FYN: variants seen among roughly 807,000 people sequenced by gnomAD.
FYN encodes FYN proto-oncogene, Src family tyrosine kinase.
In FYN, 10 loss-of-function variants were observed where a neutral mutation model predicts 70.2. That is an observed-to-expected ratio of 0.14 (90% CI 0.09 to 0.24). FYN has a LOEUF of 0.24. Among genes scored for constraint, FYN ranks in the 10% least tolerant of loss-of-function variants. The pLI is 1.00. For missense variants in FYN, 319 were observed against 673.1 expected (o/e 0.47, Z 5.82); for synonymous variants, 236 against 248.6 (o/e 0.95, Z 0.48).
chr6:111,844,734 G>A (rs925220112), intron 2 of FYN: 6 of 152,204 alleles, frequency 3.9e-5, no homozygotes, highest in African/African-American at 1.4e-4. Context: ...TCTTTTGTTA[G>A]ACACTCATTG....
intron 1 of FYN, among the ~76,000 whole-genome samples, chr6:111,853,801 T>G (rs1773750383): frequency 6.6e-6 from 1 of 152,162 alleles, no homozygotes; most frequent in Non-Finnish European, 1.5e-5. Flanking sequence ...AAATTTTTTG[T>G]ACAGATGGAG....
At chr6:111,721,244 G>A (rs914964831) in intron 3 of FYN, among the ~76,000 whole-genome samples, 3 of 152,090 alleles carry the variant, frequency 2.0e-5, no homozygotes, top group Non-Finnish European at 4.4e-5. Flanking sequence ...CACCCTTGGC[G>A]CCATATTAAA....
intron 2 of FYN, among the ~76,000 whole-genome samples, chr6:111,799,056 A>G (rs1254508449): frequency 2.6e-5 from 4 of 152,224 alleles, no homozygotes; most frequent in Non-Finnish European, 4.4e-5. Flanking sequence ...TTCCAAGGAC[A>G]AATCTAGGTG....
chr6:111,805,460 C>T (rs1772118139), intron 2 of FYN, among the ~76,000 whole-genome samples: 1 of 152,198 alleles, frequency 6.6e-6, no homozygotes, highest in Non-Finnish European at 1.5e-5. Flanking sequence ...TCTGGCAACT[C>T]TACACATGTG....
chr6:111,672,239 G>A (rs1037216230), intron 13 of FYN, among the ~76,000 whole-genome samples: 1 of 152,016 alleles, frequency 6.6e-6, no homozygotes, highest in Admixed American at 6.5e-5. Context: ...CCGCCTTCTG[G>A]GCTTGAGGAA....
At chr6:111,676,077 C>T (rs1798519788) in intron 12 of FYN, among the ~76,000 whole-genome samples, 1 of 152,112 alleles carries the variant, frequency 6.6e-6, no homozygotes, top group Non-Finnish European at 1.5e-5. Flanking sequence ...TATAAAAAGT[C>T]ACTATGTACA....
At chr6:111,747,887 T>C (rs778967252) in intron 3 of FYN, among the ~76,000 whole-genome samples, 1 of 152,252 alleles carries the variant, frequency 6.6e-6, no homozygotes, top group Non-Finnish European at 1.5e-5. Context: ...ATCTCCAGGA[T>C]AGGCACTATT....
chr6:111,698,484 C>T (rs542308582), intron 9 of FYN, among the ~76,000 whole-genome samples: 3 of 152,212 alleles, frequency 2.0e-5, no homozygotes, highest in South Asian at 2.1e-4. Context: ...TATACCCACA[C>T]GTAGCAAAGG....
At chr6:111,867,103 C>A (rs1774129067) in intron 1 of FYN, among the ~76,000 whole-genome samples, 1 of 152,218 alleles carries the variant, frequency 6.6e-6, no homozygotes, top group Non-Finnish European at 1.5e-5. Context: ...CTACTCCACA[C>A]ATTCTCCCTG....
chr6:111,867,458 GAAAAAAAAAAAA>G (rs373634134), intron 1 of FYN, among the ~76,000 whole-genome samples: 6 of 70,484 alleles, frequency 8.5e-5, no homozygotes, highest in African/African-American at 2.8e-4. Flanking sequence ...TCCGTCTCGG[GAAAAAAAAAAAA>G]AAAAAAAAAA....
chr6:111,797,198 T>C (rs1339411647), intron 2 of FYN, among the ~76,000 whole-genome samples: 2 of 152,160 alleles, frequency 1.3e-5, no homozygotes, highest in Non-Finnish European at 2.9e-5. Context: ...ACTGAAACAG[T>C]TTTAGTTAAA....
chr6:111,707,804 ACT>A, intron 6 of FYN, 116 bp downstream of exon 6: 1 of 744,082 alleles, frequency 1.3e-6, no homozygotes, highest in Non-Finnish European at 2.3e-6. Flanking sequence ...AGCCTGAAAA[ACT>A]CAGCCTTAAT....
chr6:111,815,863 C>T (rs115702399), intron 2 of FYN, among the ~76,000 whole-genome samples: 26 of 152,078 alleles, frequency 1.7e-4, no homozygotes, highest in African/African-American at 6.3e-4. Context: ...CAGGTATGTG[C>T]TAATTTTTGT....
At chr6:111,710,692 T>C (rs1800331553) in intron 5 of FYN, among the ~76,000 whole-genome samples, 1 of 152,202 alleles carries the variant, frequency 6.6e-6, no homozygotes, top group South Asian at 2.1e-4. Flanking sequence ...AAAATATTCA[T>C]TGAGAGCCGT....
intron 2 of FYN, among the ~76,000 whole-genome samples, chr6:111,801,413 A>G (rs1771980092): frequency 6.6e-6 from 1 of 152,198 alleles, no homozygotes; most frequent in African/African-American, 2.4e-5. Context: ...TTTTTCTTTT[A>G]TCACCTGCCT....
chr6:111,683,480 A>C (rs1259868615), intron 12 of FYN, among the ~76,000 whole-genome samples: 1 of 152,212 alleles, frequency 6.6e-6, no homozygotes, highest in African/African-American at 2.4e-5. Flanking sequence ...AACTAGGCCA[A>C]GGTGGAGAAG....
intron 12 of FYN, among the ~76,000 whole-genome samples, chr6:111,680,854 A>G (rs1429193290): frequency 2.0e-5 from 3 of 152,118 alleles, no homozygotes; most frequent in Admixed American, 6.5e-5. Context: ...AAATGCATGA[A>G]TTATTTTTCT....
chr6:111,798,920 A>T (rs774559479), intron 2 of FYN, among the ~76,000 whole-genome samples: 3 of 152,214 alleles, frequency 2.0e-5, no homozygotes, highest in Non-Finnish European at 4.4e-5. Context: ...TCAGTGATTA[A>T]AGGGATATTC....
In FYN at chr6:111,723,101, CA is replaced by C. The variant is rs1801031549; in HGVS notation, c.-11-3040del. On this transcript the variant is annotated intron_variant, in intron 3 of 13. Coordinates refer to ENST00000354650, the MANE Select transcript of FYN (RefSeq NM_002037.5). ...AACCACTCTTCCAACTCCAGCAAAA[CA>C]AAATAAGCCCCATATAAGAACCCTG... is the stretch of plus-strand genomic sequence containing the variant. Among the ~76,000 whole-genome samples, 4 of 152,254 alleles carry C rather than the reference CA, an allele frequency of 2.6e-5. No homozygotes were observed. In the South Asian group the frequency reaches 8.3e-4, roughly 32 times the overall value.
Sources: gnomAD v4.1 joint callset for allele counts (sites outside exome capture counted in the v4.1 genomes callset) on GRCh38, gnomAD v4.1.1 for gene constraint, MANE v1.5 for transcripts, NCBI Gene and HGNC (gene_info 2026-07-23, HGNC 2026-07-21) for gene names.